The following VAV3 variants were observed in gnomAD, a reference collection of about 807,000 sequenced individuals.
VAV3 encodes guanine nucleotide exchange factor VAV3.
In VAV3, 94 loss-of-function variants were observed where a neutral mutation model predicts 131.2. The ratio of observed to expected loss-of-function variants is 0.72; its 90% CI spans 0.61 to 0.85. The LOEUF is 0.85. Ranked by LOEUF, VAV3 falls within the 40% of genes least tolerant of loss-of-function variation. The pLI is 0.00. For missense variants in VAV3, 939 were observed against 1,002.7 expected, an observed-to-expected ratio of 0.94 and a Z score of 0.86; for synonymous variants, 349 against 342.0, an observed-to-expected ratio of 1.02 and a Z score of -0.22.
Position 107,573,274 on chromosome 1 carries a change from C to T in VAV3, c.*57G>A. On this transcript the variant is annotated 3_prime_UTR_variant, in exon 27 of 27. Transcript: ENST00000370056. ...CAGTTAATTCACGATGCTGTGCAGG[C>T]TTCTATTTATCCCTTCTCTGAAATT... The T allele has an allele frequency of 1.9e-6, 3 of 1,593,212 alleles. No homozygotes were observed. Among genetic ancestry groups the T allele is most frequent in the Non-Finnish European group, 2.6e-6 (3 of 1,166,258 alleles).
intron 1 of VAV3, among the ~76,000 whole-genome samples, chr1:107,930,348 A>T (rs1373198790): frequency 6.6e-6 from 1 of 152,134 alleles, no homozygotes; most frequent in Non-Finnish European, 1.5e-5. Flanking sequence ...TTTTTAAAGA[A>T]TTATGAGTAC....
chr1:107,796,802 A>AC (rs200461998), intron 2 of VAV3, among the ~76,000 whole-genome samples: 1 of 143,082 alleles, frequency 7.0e-6, no homozygotes, highest in South Asian at 2.2e-4. Context: ...AAAAAAAAAA[A>AC]AAATATATAT....
chr1:107,954,284 T>G (rs536189123), intron 1 of VAV3, among the ~76,000 whole-genome samples: 1 of 152,300 alleles, frequency 6.6e-6, no homozygotes, highest in African/African-American at 2.4e-5. Context: ...CAGAGAAATG[T>G]AGGCACTCCT....
At chr1:107,824,257 T>C (rs1378069141) in intron 2 of VAV3, among the ~76,000 whole-genome samples, 1 of 152,188 alleles carries the variant, frequency 6.6e-6, no homozygotes, top group Non-Finnish European at 1.5e-5. Context: ...AAAGTGAAGA[T>C]GCACATAGCG....
intron 2 of VAV3, among the ~76,000 whole-genome samples, chr1:107,783,910 A>T (rs904964830): frequency 6.8e-6 from 1 of 147,984 alleles, no homozygotes; most frequent in Admixed American, 6.7e-5. Flanking sequence ...AAAAAAAAAA[A>T]TTAGCCAGGC....
At chr1:107,658,600 T>C (rs1243712753) in intron 19 of VAV3, among the ~76,000 whole-genome samples, 1 of 152,000 alleles carries the variant, frequency 6.6e-6, no homozygotes, top group Non-Finnish European at 1.5e-5. Flanking sequence ...CCACATCCTC[T>C]CCAGCACCTG....
chr1:107,963,791 C>T (rs1216870269), intron 1 of VAV3, among the ~76,000 whole-genome samples: 1 of 152,076 alleles, frequency 6.6e-6, no homozygotes, highest in Non-Finnish European at 1.5e-5. Context: ...GGCTCTGAAC[C>T]GAGTTTAACA....
At chr1:107,681,706 T>C (rs954974625) in intron 19 of VAV3, among the ~76,000 whole-genome samples, 16 of 149,780 alleles carry the variant, frequency 1.1e-4, no homozygotes, top group African/African-American at 3.7e-4. Flanking sequence ...CAGGCTGGAG[T>C]GCAGTGGCGC....
chr1:107,805,823 TC>T (rs1333209586), intron 2 of VAV3, among the ~76,000 whole-genome samples: 1 of 152,160 alleles, frequency 6.6e-6, no homozygotes, highest in Non-Finnish European at 1.5e-5. Flanking sequence ...CCTGTTACAT[TC>T]TTTTTTCTTT....
chr1:107,576,454 A>G lies in VAV3; in HGVS notation c.2351-2256T>C, dbSNP rs748001965. On this transcript the variant is annotated intron_variant, in intron 25 of 26. Coordinates refer to ENST00000370056, the MANE Select transcript of VAV3 (RefSeq NM_006113.5). ...GTAGTCTGGAGGAGTTACAAAAGAA[A>G]AGCCACAGAACAAAGAGGGGGCTTT... is the stretch of plus-strand genomic sequence containing the variant. The G allele has an allele frequency of 7.2e-6, 11 of 1,520,408 alleles. No homozygotes were observed. In the South Asian group the frequency reaches 1.4e-4, roughly 19 times the overall value. The allele number at this position is 1,520,408 out of a possible 1,614,324, so 94.2% of individuals were successfully genotyped here.
chr1:107,748,732 G>A (rs1285947438), intron 15 of VAV3, among the ~76,000 whole-genome samples: 1 of 152,150 alleles, frequency 6.6e-6, no homozygotes, highest in African/African-American at 2.4e-5. Context: ...TCAAACAGAA[G>A]ATTAGAGCTC....
rs973317345 is a variant in VAV3, at chr1:107,734,853, A to C, written c.1502+14115T>G. On this transcript the variant is annotated intron_variant, in intron 15 of 26. Coordinates refer to ENST00000370056, the MANE Select transcript of VAV3 (RefSeq NM_006113.5). ...ACTTGAACTCAGCAATGCACCAAGCAGACCTAATAGACATCTACAGAACTC... is the reference window on the plus strand; with the variant it reads ...ACTTGAACTCAGCAATGCACCAAGCCGACCTAATAGACATCTACAGAACTC... Among the ~76,000 whole-genome samples, 4 of 152,206 alleles carry C rather than the reference A, an allele frequency of 2.6e-5. No individual in the cohort carries two copies. The South Asian group carries it at 6.2e-4, about 24-fold the overall frequency.
intron 1 of VAV3, among the ~76,000 whole-genome samples, chr1:107,900,727 G>A (rs575060617): frequency 1.3e-5 from 2 of 152,270 alleles, no homozygotes; most frequent in Admixed American, 1.3e-4. Flanking sequence ...TCCTCACCAG[G>A]ACATGGAGAA....
chr1:107,691,434 C>T (rs1333837849), intron 17 of VAV3, among the ~76,000 whole-genome samples: 1 of 152,086 alleles, frequency 6.6e-6, no homozygotes, highest in Non-Finnish European at 1.5e-5. Context: ...CTTAGTTCTG[C>T]AATAGAGCTG....
chr1:107,945,131 G>A (rs1233835697), intron 1 of VAV3, among the ~76,000 whole-genome samples: 1 of 152,142 alleles, frequency 6.6e-6, no homozygotes, highest in Non-Finnish European at 1.5e-5. Flanking sequence ...TGTTATTATA[G>A]GGCTTGGGTG....
chr1:107,818,500 A>T (rs2102351921), intron 2 of VAV3, among the ~76,000 whole-genome samples: 1 of 152,260 alleles, frequency 6.6e-6, no homozygotes, highest in Middle Eastern at 3.4e-3. Flanking sequence ...AAGGGAAAGG[A>T]GGGAGGAACA....
In VAV3 at chr1:107,737,506, C is replaced by A. The variant is rs1286014411; in HGVS notation, c.1502+11462G>T. Among the ~76,000 whole-genome samples the A allele has an allele frequency of 2.0e-5, 3 of 152,146 alleles. No homozygotes were observed. In the East Asian group the frequency reaches 5.8e-4, roughly 29 times the overall value. On this transcript the variant is annotated intron_variant, in intron 15 of 26. Transcript: ENST00000370056. ...TCTACAAAGAACTCAAACAAATTTACAAGAAAAAATCAAACAACCCATCAA... is the reference window on the plus strand; with the variant it reads ...TCTACAAAGAACTCAAACAAATTTAAAAGAAAAAATCAAACAACCCATCAA...
chr1:107,897,494 G>A (rs182118832), intron 1 of VAV3, among the ~76,000 whole-genome samples: 9 of 151,946 alleles, frequency 5.9e-5, no homozygotes, highest in Non-Finnish European at 2.9e-5. Flanking sequence ...AGAATGCCAC[G>A]AGGGAAGGAA....
At chr1:107,750,598 T>G (rs1663655218) in intron 13 of VAV3, among the ~76,000 whole-genome samples, 1 of 152,210 alleles carries the variant, frequency 6.6e-6, no homozygotes, top group Non-Finnish European at 1.5e-5. Context: ...TCTCCAAAGA[T>G]TCCAGAAAAC....
Sources: gnomAD v4.1 joint callset for allele counts (sites outside exome capture counted in the v4.1 genomes callset) on GRCh38, gnomAD v4.1.1 for gene constraint, MANE v1.5 for transcripts, NCBI Gene and HGNC (gene_info 2026-07-23, HGNC 2026-07-21) for gene names.